Variants in PRKN observed in about 807,000 individuals in gnomAD.
PRKN encodes parkin RBR E3 ubiquitin protein ligase.
Under a neutral mutation model 59.5 loss-of-function variants are expected in PRKN, and 56 were observed. The observed-to-expected ratio is 0.94, with a 90% confidence interval of 0.76 to 1.18. The LOEUF (loss-of-function observed/expected upper bound fraction) is 1.18, where lower values mean the gene tolerates loss of function less well. Among genes scored for constraint, PRKN ranks in the 50% most tolerant of loss-of-function variants. The probability of loss-of-function intolerance (pLI) is 0.00; values close to 1 mark genes in which losing one functional copy is unlikely to be tolerated. For synonymous variants in PRKN, 250 were observed against 222.1 expected, an observed-to-expected ratio of 1.13 and a Z score of -1.12; for missense variants, 657 against 596.4, an observed-to-expected ratio of 1.10 and a Z score of -1.06.
chr6:162,635,585 CTTATT>C (rs1241052694), intron 1 of PRKN, among the ~76,000 whole-genome samples: 1 of 102,420 alleles, frequency 9.8e-6, no homozygotes, highest in Non-Finnish European at 2.0e-5. Flanking sequence ...ATTAAGTTTT[CTTATT>C]TTATTATAAT....
At chr6:162,674,923 C>G (rs528886254) in intron 1 of PRKN, among the ~76,000 whole-genome samples, 3 of 152,064 alleles carry the variant, frequency 2.0e-5, no homozygotes, top group Non-Finnish European at 4.4e-5. Context: ...AAGTCAAAAA[C>G]GATTTCATGG....
At chr6:161,930,705 A>C (rs1779141161) in intron 6 of PRKN, among the ~76,000 whole-genome samples, 1 of 152,248 alleles carries the variant, frequency 6.6e-6, no homozygotes, top group East Asian at 1.9e-4. Context: ...AGGGGAAATC[A>C]AAGTTGTAGA....
intron 10 of PRKN, among the ~76,000 whole-genome samples, chr6:161,384,795 T>C (rs989146488): frequency 6.6e-6 from 1 of 152,236 alleles, no homozygotes. Flanking sequence ...CAGGGAAACC[T>C]GGAAGTGTTT....
chr6:161,908,395 T>C (rs1337039088), intron 6 of PRKN, among the ~76,000 whole-genome samples: 1 of 152,332 alleles, frequency 6.6e-6, no homozygotes, highest in Admixed American at 6.5e-5. Context: ...GATTGCCAGT[T>C]ACTTTGAGGG....
rs545994356 is a variant in PRKN, at chr6:162,603,557, C to T, written c.7+124105G>A. Among the ~76,000 whole-genome samples, 4 of 152,284 alleles carry T rather than the reference C, an allele frequency of 2.6e-5. No individual in the cohort carries two copies. In the East Asian group the frequency reaches 5.8e-4, roughly 22 times the overall value. On this transcript the variant is annotated intron_variant, in intron 1 of 11. Transcript: ENST00000366898. ...AAAGCTGAAAATATTTACCACGTAT[C>T]CCTTACCAAAACACATGCAGGTCCC...
At chr6:162,579,912 C>G (rs946598807) in intron 1 of PRKN, among the ~76,000 whole-genome samples, 18 of 152,164 alleles carry the variant, frequency 1.2e-4, no homozygotes, top group African/African-American at 4.3e-4. Context: ...TACACAGAAC[C>G]TCCCCAGATG....
At chr6:161,489,759 C>T (rs1158893773) in intron 9 of PRKN, among the ~76,000 whole-genome samples, 3 of 151,914 alleles carry the variant, frequency 2.0e-5, no homozygotes, top group African/African-American at 7.3e-5. Context: ...TTGTTGAGAC[C>T]TGATTTATTA....
At chr6:162,422,561 T>C (rs1361821237) in intron 2 of PRKN, among the ~76,000 whole-genome samples, 3 of 152,096 alleles carry the variant, frequency 2.0e-5, no homozygotes, top group Admixed American at 6.6e-5. Flanking sequence ...TGACTTTGGG[T>C]CACAGAGTTC....
Position 161,690,955 on chromosome 6 carries a change from A to G in PRKN, c.871+94817T>C, listed in dbSNP as rs111304573. On this transcript the variant is annotated intron_variant, in intron 7 of 11. Coordinates refer to ENST00000366898, the MANE Select transcript of PRKN (RefSeq NM_004562.3). ...TATCTATCTGTGTATCGATCGATTG[A>G]ACAATCCATCCATCCATCCATCCAT... 7.9e-3 allele frequency among the ~76,000 whole-genome samples: 1,164 copies of G among 147,372 alleles called. 10 individuals carry two copies. Among genetic ancestry groups the G allele is most frequent in the African/African-American group, 0.028 (1,106 of 39,038 alleles).
At chr6:162,132,409 A>G (rs567242764) in intron 4 of PRKN, among the ~76,000 whole-genome samples, 63 of 152,266 alleles carry the variant, frequency 4.1e-4, no homozygotes, top group African/African-American at 1.4e-3. Context: ...CACACAATAG[A>G]ATACTCTGCA....
intron 2 of PRKN, among the ~76,000 whole-genome samples, chr6:162,380,885 T>A (rs892596775): frequency 6.6e-6 from 1 of 152,058 alleles, no homozygotes; most frequent in Non-Finnish European, 1.5e-5. Flanking sequence ...CTATGGGCAG[T>A]CTTTCTGGGC....
At chr6:161,602,028 C>A (rs2128143682) in intron 7 of PRKN, among the ~76,000 whole-genome samples, 1 of 152,238 alleles carries the variant, frequency 6.6e-6, no homozygotes, top group Admixed American at 6.5e-5. Context: ...TAATTCGTAT[C>A]ACTTGCCATC....
intron 4 of PRKN, among the ~76,000 whole-genome samples, chr6:162,130,491 T>C (rs985484938): frequency 2.0e-5 from 3 of 152,294 alleles, no homozygotes; most frequent in African/African-American, 7.2e-5. Flanking sequence ...ATGGCTCGAA[T>C]GCCAGTAAAA....
chr6:162,191,534 C>T (rs1784276841), intron 4 of PRKN, among the ~76,000 whole-genome samples: 1 of 152,176 alleles, frequency 6.6e-6, no homozygotes, highest in African/African-American at 2.4e-5. Context: ...CCTCTGCCTC[C>T]TGGGTTCAAG....
intron 1 of PRKN, among the ~76,000 whole-genome samples, chr6:162,647,975 A>AAAAAAAAAAC (rs1778259496): frequency 1.4e-5 from 2 of 142,684 alleles, no homozygotes; most frequent in Non-Finnish European, 1.5e-5. Context: ...AAAAAAAAAA[A>AAAAAAAAAAC]AAGTCTACGG....
chr6:161,733,783 A>AATATATATATATATGTATATATATATAT (rs1787829360), intron 7 of PRKN, among the ~76,000 whole-genome samples: 1 of 86,228 alleles, frequency 1.2e-5, no homozygotes, highest in Non-Finnish European at 1.9e-5. Context: ...AAAAAAAAAA[A>AATATATATATATATGTATATATATATAT]ATATATATAT....
chr6:162,647,976 A>AAAAAAAAAAC (rs1423333479), intron 1 of PRKN, among the ~76,000 whole-genome samples: 2 of 146,196 alleles, frequency 1.4e-5, no homozygotes, highest in Non-Finnish European at 3.0e-5. Context: ...AAAAAAAAAA[A>AAAAAAAAAAC]AGTCTACGGG....
intron 6 of PRKN, among the ~76,000 whole-genome samples, chr6:161,801,093 G>A (rs891577303): frequency 1.3e-5 from 2 of 152,130 alleles, no homozygotes; most frequent in African/African-American, 4.8e-5. Context: ...GGACACGGGA[G>A]GAAACGGAGG....
At chr6:162,350,106 AAAAAATATAAAACAGG>A in intron 2 of PRKN, among the ~76,000 whole-genome samples, 1 of 152,278 alleles carries the variant, frequency 6.6e-6, no homozygotes, top group African/African-American at 2.4e-5. Context: ...ACATCATTTA[AAAAAATATAAAACAGG>A]AAAACATCTG....
Sources: allele counts gnomAD v4.1 joint callset (sites outside exome capture counted in the v4.1 genomes callset), GRCh38; gene constraint gnomAD v4.1.1; transcripts MANE v1.5; gene names NCBI Gene and HGNC (gene_info 2026-07-23, HGNC 2026-07-21).